Variants in LRP4 observed in about 807,000 individuals in gnomAD.
LRP4 encodes LDL receptor related protein 4.
A neutral mutation model predicts 220.3 loss-of-function variants in LRP4; 95 were observed. That is an observed-to-expected ratio of 0.43 (90% CI 0.37 to 0.51). LRP4 has a LOEUF of 0.51. LRP4 is among the 20% of genes least tolerant of loss of function. LRP4 has a pLI of 0.00. For missense variants in LRP4, 1,925 were observed against 2,567.0 expected (o/e 0.75, Z 5.40); for synonymous variants, 903 against 954.6 (o/e 0.95, Z 1.00).
chr11:46,906,814 C>T (rs1013004697), intron 1 of LRP4, among the ~76,000 whole-genome samples: 1 of 152,142 alleles, frequency 6.6e-6, no homozygotes, highest in Non-Finnish European at 1.5e-5. Flanking sequence ...AGCATTCCAT[C>T]GGTGGGCATC....
Position 46,899,089 on chromosome 11 carries a change from G to C in LRP4, c.548-57C>G, listed in dbSNP as rs1009938044. ...ACACTCAGGCCTGGATGAAGGAGAG[G>C]GGCCCTGATTCCTCAAGCAGGCAGG... On this transcript the variant is annotated intron_variant, in intron 5 of 37. Transcript: ENST00000378623. The surrounding 1 kb of genome is among the most constrained non-coding windows in gnomAD (Gnocchi z 5.9). 1 of 1,539,476 alleles carries C rather than the reference G, an allele frequency of 6.5e-7. No individual in the cohort carries two copies. Among genetic ancestry groups the C allele is most frequent in the Non-Finnish European group, 8.9e-7 (1 of 1,124,154 alleles).
intron 34 of LRP4, among the ~76,000 whole-genome samples, chr11:46,867,377 G>C (rs1940731874): frequency 6.6e-6 from 1 of 152,198 alleles, no homozygotes; most frequent in Non-Finnish European, 1.5e-5. Flanking sequence ...AAATGTCACA[G>C]AGAGAAGAAG....
chr11:46,862,545 G>C, intron 37 of LRP4, 61 bp downstream of exon 37: 1 of 1,556,112 alleles, frequency 6.4e-7, no homozygotes, highest in Non-Finnish European at 8.9e-7. Context: ...TGGGCATTTG[G>C]AGTAAAATCC....
intron 18 of LRP4, among the ~76,000 whole-genome samples, chr11:46,885,219 T>C (rs940235246): frequency 6.6e-6 from 1 of 152,144 alleles, no homozygotes; most frequent in Non-Finnish European, 1.5e-5. Context: ...AGGCTGATCT[T>C]GAACTCCTAA....
rs1941595895 is a variant in LRP4, at chr11:46,898,614, C to A, written c.740G>T (p.Gly247Val). The A allele has an allele frequency of 2.5e-6, 4 of 1,614,152 alleles. No individual in the cohort carries two copies. In the East Asian group the frequency reaches 8.9e-5, roughly 36 times the overall value. ...GTCCGCGTCACCATCGCAGCGCCAG[C>A]CTGCATTGATGCACAGGCCACTGTC... Reference protein sequence around the residue: ...MCDSGLCINAGWRCDGDADCD... With the variant: ...MCDSGLCINAVWRCDGDADCD... The change falls in exon 7 of 38, where the codon GGC becomes GTC. Residue 247 changes from glycine to valine, a missense_variant. Coordinates refer to ENST00000378623, the MANE Select transcript of LRP4 (RefSeq NM_002334.4).
Position 46,878,980 on chromosome 11 carries a change from T to C in LRP4, c.3063A>G (p.Pro1021=). 1.9e-6 allele frequency: 3 copies of C among 1,614,212 alleles called. No individual in the cohort carries two copies. The highest frequency in any genetic ancestry group is 2.5e-6 in the Non-Finnish European group (3 of 1,180,034). The change falls in exon 22 of 38, where the codon CCA becomes CCG. Residue 1021 remains proline, a synonymous_variant. Transcript: ENST00000378623. Reference sequence around the variant, plus strand: ...AGGTACAGCTGAATCCGCTTGGATTTGGGGACCTAAGACACAGGTGGCTAC... The same window carrying C: ...AGGTACAGCTGAATCCGCTTGGATTCGGGGACCTAAGACACAGGTGGCTAC... ...GGCSHLCLRS[P]NPSGFSCTCP...
At position 46,872,946 on chromosome 11, in the gene LRP4, T is replaced by G. The variant is rs563918942; in HGVS notation, c.4583+154A>C. The G allele has an allele frequency of 3.5e-6, 4 of 1,144,044 alleles. No individual in the cohort carries two copies. In the Admixed American group the frequency reaches 6.9e-5, roughly 20 times the overall value. The allele number at this position is 1,144,044 out of a possible 1,614,324, so 70.9% of individuals were successfully genotyped here. ...GTTGAGGGCTGGATTTAGCAATCGCTGCTCTAAGAATATATTCCCTTATCC... is the reference window on the plus strand; with the variant it reads ...GTTGAGGGCTGGATTTAGCAATCGCGGCTCTAAGAATATATTCCCTTATCC... On this transcript the variant is annotated intron_variant, in intron 30 of 37. Transcript: ENST00000378623.
intron 16 of LRP4, among the ~76,000 whole-genome samples, chr11:46,888,431 T>TAATCCC (rs1249306614): frequency 6.6e-6 from 1 of 150,734 alleles, no homozygotes; most frequent in Admixed American, 6.7e-5. Flanking sequence ...CGCATGCTTG[T>TAATCCC]AATCCCAGCT....
chr11:46,917,033 G>A (rs748907819), intron 1 of LRP4, among the ~76,000 whole-genome samples: 1 of 152,226 alleles, frequency 6.6e-6, no homozygotes, highest in Non-Finnish European at 1.5e-5. Context: ...TAGAGAGGAC[G>A]CGGAAAAAAG....
At chr11:46,891,080 TTTC>T (rs1358345111) in intron 13 of LRP4, among the ~76,000 whole-genome samples, 4 of 152,124 alleles carry the variant, frequency 2.6e-5, no homozygotes, top group African/African-American at 9.7e-5. Context: ...GGACAGGCAC[TTTC>T]TTCTTTGTCA....
At position 46,875,619 on chromosome 11, in the gene LRP4, G is replaced by A; in HGVS notation, c.3762C>T (p.His1254=). 2 of 1,614,168 alleles carry A rather than the reference G, an allele frequency of 1.2e-6. No individual in the cohort carries two copies. Among genetic ancestry groups the A allele is most frequent in the East Asian group, 2.2e-5 (1 of 44,878 alleles). Reference sequence around the variant, plus strand: ...AGTCGAGCAGGGTGAGGCCATATGGGTGCTGCACCGGTGACACCAATGTAT... The same window carrying A: ...AGTCGAGCAGGGTGAGGCCATATGGATGCTGCACCGGTGACACCAATGTAT... ...NRHTLVSPVQ[H]PYGLTLLDSY... Residue 1254 remains histidine, a synonymous_variant, in exon 27 of 38, where the codon CAC becomes CAT. Coordinates refer to ENST00000378623, the MANE Select transcript of LRP4 (RefSeq NM_002334.4). The surrounding 1 kb of genome is among the most constrained non-coding windows in gnomAD (Gnocchi z 4.5).
Position 46,858,881 on chromosome 11 carries a change from A to T in LRP4, c.*102T>A. The T allele has an allele frequency of 9.0e-7, 1 of 1,116,464 alleles. No individual in the cohort carries two copies. Among genetic ancestry groups the T allele is most frequent in the Non-Finnish European group, 1.4e-6 (1 of 733,136 alleles). The allele number at this position is 1,116,464 out of a possible 1,614,324, so 69.2% of individuals were successfully genotyped here. A position where few individuals can be genotyped will look rare whatever the true frequency, so the allele number is the denominator to read the frequency against. ...ACAGTTATGGGGTGGGAGGAGGAGG[A>T]GGACAAGCACACAGAAGCGGGGCCT... On this transcript the variant is annotated 3_prime_UTR_variant, in exon 38 of 38. Transcript: ENST00000378623.
At chr11:46,894,268 G>A (rs943961387) in intron 12 of LRP4, among the ~76,000 whole-genome samples, 6 of 152,130 alleles carry the variant, frequency 3.9e-5, no homozygotes, top group Admixed American at 1.3e-4. Context: ...CTAAGCAATC[G>A]AAACAAAACT....
intron 16 of LRP4, 89 bp downstream of exon 16, chr11:46,889,322 A>T (rs1941368016): frequency 6.4e-7 from 1 of 1,559,610 alleles, no homozygotes; most frequent in Admixed American, 1.7e-5. Flanking sequence ...TTTTCCCATG[A>T]CAGGCAATCC....
chr11:46,876,683 TG>T lies in LRP4; in HGVS notation c.3365-47del, dbSNP rs749078693. On this transcript the variant is annotated intron_variant, in intron 24 of 37. Coordinates refer to ENST00000378623, the MANE Select transcript of LRP4 (RefSeq NM_002334.4). Reference sequence around the variant, plus strand: ...ACACTGGCTCCTATTTTAAAACAGATGGGCTATTTCCCCAGCCCTGTTGCCA... The same window carrying T: ...ACACTGGCTCCTATTTTAAAACAGATGGCTATTTCCCCAGCCCTGTTGCCA... 13 of 1,613,952 alleles carry T rather than the reference TG, an allele frequency of 8.1e-6. No homozygotes were observed. In the Admixed American group the frequency reaches 2.2e-4, roughly 27 times the overall value.
Position 46,879,325 on chromosome 11 carries a change from C to T in LRP4, c.2815-10G>A. ...GGCTTCCAATCAGCACCTGCCAGGG[C>T]CCCAACACTGTGTCATCTTCAACAA... On this transcript the variant is annotated splice_polypyrimidine_tract_variant and intron_variant, in intron 20 of 37. Transcript: ENST00000378623. 6.2e-7 allele frequency: 1 copy of T among 1,613,780 alleles called. No homozygotes were observed. The highest frequency in any genetic ancestry group is 8.5e-7 in the Non-Finnish European group (1 of 1,179,966).
chr11:46,911,952 C>G (rs567640333), intron 1 of LRP4, among the ~76,000 whole-genome samples: 2 of 151,256 alleles, frequency 1.3e-5, no homozygotes, highest in Admixed American at 6.6e-5. Context: ...AAGCGATTCT[C>G]CCACCTCAGC....
chr11:46,906,884 C>T (rs1030964465), intron 1 of LRP4, among the ~76,000 whole-genome samples: 1 of 152,146 alleles, frequency 6.6e-6, no homozygotes, highest in African/African-American at 2.4e-5. Context: ...AACATCTCAG[C>T]GTCCGCTGCA....
In LRP4 at chr11:46,889,269, C is replaced by A. The variant is rs1198383939; in HGVS notation, c.2215+142G>T. ...TCAGCTTTGATAGAAGATCCCTCAGCCTCTTAAGTTCTTCCTCTCCAGGGC... is the reference window on the plus strand; with the variant it reads ...TCAGCTTTGATAGAAGATCCCTCAGACTCTTAAGTTCTTCCTCTCCAGGGC... On this transcript the variant is annotated intron_variant, in intron 16 of 37. Coordinates refer to ENST00000378623, the MANE Select transcript of LRP4 (RefSeq NM_002334.4). The A allele has an allele frequency of 5.5e-5, 62 of 1,131,448 alleles. 1 individual carries two copies. The East Asian group carries it at 1.4e-3, about 26-fold the overall frequency. The allele number at this position is 1,131,448 out of a possible 1,614,324, so 70.1% of individuals were successfully genotyped here. A position where few individuals can be genotyped will look rare whatever the true frequency, so the allele number is the denominator to read the frequency against.
Sources: allele counts gnomAD v4.1 joint callset (sites outside exome capture counted in the v4.1 genomes callset), GRCh38; gene constraint gnomAD v4.1.1; non-coding constraint Gnocchi (gnomAD v3.1); transcripts MANE v1.5; gene names NCBI Gene and HGNC (gene_info 2026-07-23, HGNC 2026-07-21).